CAST: variants seen among roughly 807,000 people sequenced by gnomAD.
CAST encodes calpastatin.
In CAST, 76 loss-of-function variants were observed where a neutral mutation model predicts 119.6. That is an observed-to-expected ratio of 0.64 (90% CI 0.53 to 0.77). The LOEUF (loss-of-function observed/expected upper bound fraction) is 0.77. Ranked by LOEUF, CAST falls within the 30% of genes least tolerant of loss-of-function variation. The pLI is 0.00. For synonymous variants in CAST, 319 were observed against 331.6 expected (o/e 0.96, Z 0.41); for missense variants, 953 against 946.5 (o/e 1.01, Z -0.09).
chr5:96,245,114 A>G, the CAST span, among the ~76,000 whole-genome samples: 1 of 152,238 alleles, frequency 6.6e-6, no homozygotes, highest in Admixed American at 6.5e-5. Flanking sequence ...CAAATCACAT[A>G]CATTCATACT....
chr5:96,382,387 A>T, the CAST span, among the ~76,000 whole-genome samples: 1 of 152,222 alleles, frequency 6.6e-6, no homozygotes, highest in Admixed American at 6.5e-5. Context: ...AATGAAGAAT[A>T]AGTGAAACCA....
At chr5:96,518,586 GCCAAGCAGTTATAATGATTGCAA>G in the CAST span, among the ~76,000 whole-genome samples, 1 of 152,172 alleles carries the variant, frequency 6.6e-6, no homozygotes, top group Middle Eastern at 3.2e-3. Context: ...GCATCCCATG[GCCAAGCAGTTATAATGATTGCAA>G]AGGTTTATAC....
chr5:96,210,295 T>C, the CAST span: 1 of 152,058 alleles, frequency 6.6e-6, no homozygotes, highest in Non-Finnish European at 1.5e-5. Flanking sequence ...TAACACAGAA[T>C]GCAAAACAGT....
intron 1 of CAST, among the ~76,000 whole-genome samples, chr5:96,665,427 C>T (rs774137539): frequency 2.0e-5 from 3 of 152,118 alleles, no homozygotes; most frequent in African/African-American, 4.8e-5. Flanking sequence ...ATTAACAGCA[C>T]ATCTCAATTC....
At chr5:96,003,487 G>C in the CAST span, among the ~76,000 whole-genome samples, 1 of 138,338 alleles carries the variant, frequency 7.2e-6, no homozygotes, top group Non-Finnish European at 1.5e-5. Context: ...GCAGTGAGCC[G>C]AGATGGCGCC....
At chr5:96,636,811 A>G (rs1747892698) in intron 1 of CAST, among the ~76,000 whole-genome samples, 1 of 152,040 alleles carries the variant, frequency 6.6e-6, no homozygotes, top group Non-Finnish European at 1.5e-5. Flanking sequence ...CATTTGCAGA[A>G]GTGTGGGAAG....
chr5:96,271,574 A>T, the CAST span, among the ~76,000 whole-genome samples: 1 of 152,068 alleles, frequency 6.6e-6, no homozygotes, highest in Non-Finnish European at 1.5e-5. Flanking sequence ...CTAGATCTCT[A>T]TCTCTCACGA....
At chr5:96,412,553 C>T in the CAST span, 1 of 1,384,088 alleles carries the variant, frequency 7.2e-7, no homozygotes, top group Non-Finnish European at 1.0e-6. Flanking sequence ...GGACAAAAGC[C>T]CAATACTCTT....
the CAST span, among the ~76,000 whole-genome samples, chr5:96,468,221 A>G: frequency 1.3e-5 from 2 of 152,014 alleles, no homozygotes; most frequent in Admixed American, 1.3e-4. Flanking sequence ...GACACTGGAG[A>G]TTCAGAAATG....
chr5:96,686,399 A>T (rs1752088007), intron 2 of CAST, among the ~76,000 whole-genome samples: 1 of 152,172 alleles, frequency 6.6e-6, no homozygotes, highest in Non-Finnish European at 1.5e-5. Flanking sequence ...ACATGTAGAA[A>T]GTGGGAAGGA....
At chr5:96,049,034 C>G in the CAST span, among the ~76,000 whole-genome samples, 1 of 152,124 alleles carries the variant, frequency 6.6e-6, no homozygotes, top group East Asian at 1.9e-4. Context: ...CTGACATCCC[C>G]GGAGACCCTT....
chr5:96,485,631 CAG>C, the CAST span, among the ~76,000 whole-genome samples: 1 of 152,104 alleles, frequency 6.6e-6, no homozygotes, highest in Non-Finnish European at 1.5e-5. Flanking sequence ...TGTTTTGCCT[CAG>C]GCTGGCCTTA....
the CAST span, among the ~76,000 whole-genome samples, chr5:96,346,617 A>G: frequency 1.3e-5 from 2 of 152,160 alleles, no homozygotes; most frequent in African/African-American, 4.8e-5. Flanking sequence ...GGTATATACT[A>G]CATCCTAAAG....
the CAST span, among the ~76,000 whole-genome samples, chr5:96,283,530 G>A: frequency 6.6e-6 from 1 of 152,128 alleles, no homozygotes; most frequent in Non-Finnish European, 1.5e-5. Context: ...TACTTTGATT[G>A]GCAAGTCTCA....
the CAST span, among the ~76,000 whole-genome samples, chr5:96,072,830 G>A: frequency 3.9e-5 from 6 of 152,150 alleles, no homozygotes; most frequent in Admixed American, 6.6e-5. Context: ...CAACCTGTGC[G>A]TGTGCACACA....
the CAST span, among the ~76,000 whole-genome samples, chr5:96,262,307 G>A: frequency 3.9e-5 from 6 of 152,090 alleles, no homozygotes; most frequent in Non-Finnish European, 8.8e-5. Flanking sequence ...AGGAGAAGGG[G>A]GCTGAAGCCA....
intron 1 of CAST, among the ~76,000 whole-genome samples, chr5:96,605,808 A>G (rs553291247): frequency 6.6e-6 from 1 of 152,340 alleles, no homozygotes; most frequent in Admixed American, 6.5e-5. Flanking sequence ...ACCATCACCA[A>G]TTCTTTGTTA....
At chr5:96,304,220 A>G in the CAST span, among the ~76,000 whole-genome samples, 1 of 152,160 alleles carries the variant, frequency 6.6e-6, no homozygotes, top group African/African-American at 2.4e-5. Flanking sequence ...GCTTTTTGTC[A>G]TATGTTTTTG....
At chr5:96,677,034 CAAA>C (rs567872750) in intron 2 of CAST, among the ~76,000 whole-genome samples, 3 of 99,430 alleles carry the variant, frequency 3.0e-5, no homozygotes, top group Admixed American at 1.1e-4. Context: ...AGCTGGGTGA[CAAA>C]AAAAAAAAAA....
Sources: allele counts gnomAD v4.1 joint callset (sites outside exome capture counted in the v4.1 genomes callset), GRCh38; gene constraint gnomAD v4.1.1; transcripts MANE v1.5; gene names NCBI Gene and HGNC (gene_info 2026-07-23, HGNC 2026-07-21).